Variants in NF1 observed in about 807,000 individuals in gnomAD.
NF1 encodes neurofibromin.
Under a neutral mutation model 325.7 loss-of-function variants are expected in NF1, and 122 were observed. The observed-to-expected ratio is 0.37, with a 90% CI of 0.32 to 0.44. The LOEUF (loss-of-function observed/expected upper bound fraction) is 0.44. Among genes scored for constraint, NF1 ranks in the 20% least tolerant of loss-of-function variants. NF1 has a pLI of 1.00. For missense variants in NF1, 2,140 were observed against 3,415.4 expected (o/e 0.63, Z 9.31); for synonymous variants, 1,091 against 1,186.0 (o/e 0.92, Z 1.65).
chr17:31,362,229 A>G (rs1469090569), intron 57 of NF1: 2 of 826,332 alleles, frequency 2.4e-6, no homozygotes, highest in African/African-American at 1.9e-5. Flanking sequence ...GGTCTTGCCC[A>G]TTATCAGCAT....
chr17:31,265,192 A>G lies in NF1; in HGVS notation c.4725-37A>G, dbSNP rs770922403. On this transcript the variant is annotated intron_variant, in intron 35 of 57. Transcript: ENST00000358273. ...CTTTTTTACATACTCAGTAGACAACATAAAGCCTCATAATTACTCTGTTAT... is the reference window on the plus strand; with the variant it reads ...CTTTTTTACATACTCAGTAGACAACGTAAAGCCTCATAATTACTCTGTTAT... 46 of 1,401,548 alleles carry G rather than the reference A, an allele frequency of 3.3e-5. 1 individual carries two copies. The South Asian group carries it at 4.4e-4, about 13-fold the overall frequency. 86.8% of individuals were successfully genotyped at this position (1,401,548 alleles called of 1,614,324 possible). A position where few individuals can be genotyped will look rare whatever the true frequency, so the allele number is the denominator to read the frequency against.
intron 30 of NF1, chr17:31,251,122 G>C (rs2067486479): frequency 1.0e-5 from 2 of 197,404 alleles, no homozygotes; most frequent in Admixed American, 1.2e-4. Context: ...TATTGAGTCT[G>C]CTTCCCAAAC....
intron 1 of NF1, among the ~76,000 whole-genome samples, chr17:31,116,179 G>A (rs1480801684): frequency 6.6e-6 from 1 of 151,996 alleles, no homozygotes; most frequent in Non-Finnish European, 1.5e-5. Flanking sequence ...AAACTTTTTA[G>A]GCTGTCATTT....
At chr17:31,145,610 A>AT (rs781141825) in intron 1 of NF1, among the ~76,000 whole-genome samples, 428 of 151,192 alleles carry the variant, frequency 2.8e-3, no homozygotes, top group South Asian at 4.0e-3. Context: ...CTTAATCTTG[A>AT]TTTTTTTTTC....
At chr17:31,365,278 C>CAAAAAAAAAAAAAAAAAAAAAAA (rs67659795) in intron 57 of NF1, among the ~76,000 whole-genome samples, 1 of 101,068 alleles carries the variant, frequency 9.9e-6, no homozygotes, top group African/African-American at 5.5e-5. Flanking sequence ...GAACCTATCT[C>CAAAAAAAAAAAAAAAAAAAAAAA]AAAAAAAAAA....
At chr17:31,186,645 T>C (rs2066244920) in intron 8 of NF1, among the ~76,000 whole-genome samples, 1 of 152,236 alleles carries the variant, frequency 6.6e-6, no homozygotes, top group Non-Finnish European at 1.5e-5. Context: ...TTGTATCTCA[T>C]GTGAGTGCTC....
Position 31,232,043 on chromosome 17 carries a change from ATTTTTTTTT to A in NF1, c.3198-12_3198-4del, listed in dbSNP as rs371047262. The A allele has an allele frequency of 1.0e-4, 60 of 589,914 alleles. No homozygotes were observed. The African/African-American group carries it at 1.0e-3, about 10-fold the overall frequency. 36.5% of individuals were successfully genotyped at this position (589,914 alleles called of 1,614,324 possible). On this transcript the variant is annotated intron_variant, in intron 24 of 57. Coordinates refer to ENST00000358273, the MANE Select transcript of NF1 (RefSeq NM_001042492.3). ...AACTTGAAAGATTCATGGTCTCTAA[ATTTTTTTTT>A]TTTTTTTTTTTTTTTTTCAGAGATT...
chr17:31,106,758 G>A (rs2143260055), intron 1 of NF1, among the ~76,000 whole-genome samples: 1 of 152,234 alleles, frequency 6.6e-6, no homozygotes, highest in South Asian at 2.1e-4. Context: ...AACTTCTTCA[G>A]CTGTTAGAAG....
chr17:31,325,737 A>G, intron 36 of NF1, 83 bp from the exon 37 acceptor site: 1 of 1,026,922 alleles, frequency 9.7e-7, no homozygotes, highest in Non-Finnish European at 1.5e-6. Flanking sequence ...AAAATGAATC[A>G]TAAAATAAAA....
chr17:31,296,744 C>A, intron 36 of NF1: 1 of 211,084 alleles, frequency 4.7e-6, no homozygotes. Context: ...AAATGGCTGT[C>A]GTGTCTTTTT....
chr17:31,124,004 A>G (rs1330347167), intron 1 of NF1, among the ~76,000 whole-genome samples: 2 of 152,028 alleles, frequency 1.3e-5, no homozygotes, highest in Non-Finnish European at 2.9e-5. Flanking sequence ...AAATACTTCT[A>G]ATTTGCAAAG....
intron 36 of NF1, among the ~76,000 whole-genome samples, chr17:31,287,360 C>T (rs1309201354): frequency 6.6e-6 from 1 of 152,198 alleles, no homozygotes; most frequent in African/African-American, 2.4e-5. Flanking sequence ...TATCAGAGGA[C>T]ACATTTAATC....
intron 5 of NF1, among the ~76,000 whole-genome samples, chr17:31,170,865 A>G (rs922999179): frequency 3.3e-5 from 5 of 152,164 alleles, no homozygotes; most frequent in African/African-American, 1.2e-4. Flanking sequence ...AGTTTTTGGC[A>G]TTATTAGACC....
In NF1 at chr17:31,231,058, T is replaced by C; in HGVS notation, c.3197+133T>C. 10 of 708,564 alleles carry C rather than the reference T, an allele frequency of 1.4e-5. 1 individual carries two copies. In the Admixed American group the frequency reaches 2.2e-4, roughly 16 times the overall value. The allele number at this position is 708,564 out of a possible 1,614,324, so 43.9% of individuals were successfully genotyped here. On this transcript the variant is annotated intron_variant, in intron 24 of 57. Coordinates refer to ENST00000358273, the MANE Select transcript of NF1 (RefSeq NM_001042492.3). ...GTCAAACTTTTGTGTTTGAAATATG[T>C]AAAGATGCTAATCTTTATTACTGCT... is the stretch of plus-strand genomic sequence containing the variant.
intron 35 of NF1, among the ~76,000 whole-genome samples, chr17:31,263,281 T>C (rs1051989725): frequency 6.6e-6 from 1 of 151,868 alleles, no homozygotes; most frequent in Non-Finnish European, 1.5e-5. Flanking sequence ...TCTCTACAAA[T>C]AATAAAATAT....
intron 8 of NF1, among the ~76,000 whole-genome samples, chr17:31,186,903 C>T (rs189164155): frequency 1.3e-5 from 2 of 152,360 alleles, no homozygotes; most frequent in Non-Finnish European, 2.9e-5. Flanking sequence ...GAGACCAACA[C>T]TGAGCCCTTG....
intron 25 of NF1, 98 bp from the exon 26 acceptor site, chr17:31,232,602 C>T (rs1483061091): frequency 8.7e-7 from 1 of 1,149,106 alleles, no homozygotes; most frequent in African/African-American, 1.5e-5. Context: ...AACCCAGGGC[C>T]ATTCACACCA....
Position 31,265,159 on chromosome 17 carries a change from A to T in NF1, c.4725-70A>T. 2.8e-6 allele frequency: 3 copies of T among 1,061,284 alleles called. No individual in the cohort carries two copies. In the South Asian group the frequency reaches 4.1e-5, roughly 14 times the overall value. 65.7% of individuals were successfully genotyped at this position (1,061,284 alleles called of 1,614,324 possible). On this transcript the variant is annotated intron_variant, in intron 35 of 57. Coordinates refer to ENST00000358273, the MANE Select transcript of NF1 (RefSeq NM_001042492.3). The stretch of plus-strand genomic sequence containing the variant: ...ATTTTAGTATTTTATTGTTTATCCA[A>T]TTATAGACTTTTTTACATACTCAGT...
chr17:31,134,529 T>C lies in NF1; in HGVS notation c.61-21454T>C, dbSNP rs191658576. Among the ~76,000 whole-genome samples the C allele has an allele frequency of 1.4e-3, 209 of 152,330 alleles. 1 individual carries two copies. Among genetic ancestry groups the C allele is most frequent in the Admixed American group, 5.1e-3 (78 of 15,302 alleles). Reference sequence around the variant, plus strand: ...GCCGTTTTGTACAACAAACATTTATTATCACATAAAGTTTCTGTCCATCTG... The same window carrying C: ...GCCGTTTTGTACAACAAACATTTATCATCACATAAAGTTTCTGTCCATCTG... On this transcript the variant is annotated intron_variant, in intron 1 of 57. Transcript: ENST00000358273.
Sources: gnomAD v4.1 joint callset for allele counts (sites outside exome capture counted in the v4.1 genomes callset) on GRCh38, gnomAD v4.1.1 for gene constraint, MANE v1.5 for transcripts, NCBI Gene and HGNC (gene_info 2026-07-23, HGNC 2026-07-21) for gene names.